DMAC2: variants seen among roughly 807,000 people sequenced by gnomAD.
DMAC2 encodes distal membrane arm assembly component 2, also known as distal membrane-arm assembly complex protein 2.
Under a neutral mutation model 29.6 loss-of-function variants are expected in DMAC2, and 32 were observed. The ratio of observed to expected loss-of-function variants is 1.08; its 90% confidence interval spans 0.81 to 1.45. The LOEUF (loss-of-function observed/expected upper bound fraction) is 1.45. Ranked by LOEUF, DMAC2 falls within the 40% of genes most tolerant of loss-of-function variation. The pLI is 0.00. For missense variants in DMAC2, 319 were observed against 340.0 expected (o/e 0.94, Z 0.49); for synonymous variants, 133 against 137.4 (o/e 0.97, Z 0.23).
In DMAC2 at chr19:41,435,314, G is replaced by A. The variant is rs1286449957; in HGVS notation, c.296+1078C>T. 2.6e-5 allele frequency among the ~76,000 whole-genome samples: 4 copies of A among 152,108 alleles called. No homozygotes were observed. In the East Asian group the frequency reaches 7.7e-4, roughly 29 times the overall value. On this transcript the variant is annotated intron_variant, in intron 3 of 5. Transcript: ENST00000221943. Reference sequence around the variant, plus strand: ...AGACAGAGTCTTGCTCTGTCACCCAGGCTGGAGTGCAGTGGCGTGATCTTG... The same window carrying A: ...AGACAGAGTCTTGCTCTGTCACCCAAGCTGGAGTGCAGTGGCGTGATCTTG...
Position 41,432,144 on chromosome 19 carries a change from G to T in DMAC2, c.*87C>A. 1 of 1,471,966 alleles carries T rather than the reference G, an allele frequency of 6.8e-7. No homozygotes were observed. Among genetic ancestry groups the T allele is most frequent in the Non-Finnish European group, 9.3e-7 (1 of 1,076,672 alleles). The allele number at this position is 1,471,966 out of a possible 1,614,324, so 91.2% of individuals were successfully genotyped here. A position where few individuals can be genotyped will look rare whatever the true frequency, so the allele number is the denominator to read the frequency against. On this transcript the variant is annotated 3_prime_UTR_variant, in exon 6 of 6. Coordinates refer to ENST00000221943, the MANE Select transcript of DMAC2 (RefSeq NM_018035.3). ...CTCCCCCACCCTGACGTTGAGTGAA[G>T]ACAAATGGAAGCCAGAAGTGTGGTG...
At chr19:41,435,952 T>C (rs949417047) in intron 3 of DMAC2, among the ~76,000 whole-genome samples, 2 of 151,596 alleles carry the variant, frequency 1.3e-5, no homozygotes, top group Non-Finnish European at 2.9e-5. Context: ...CTCAGCTCAC[T>C]GCAACCTCCA....
At chr19:41,437,458 G>C (rs946955765) in intron 2 of DMAC2, among the ~76,000 whole-genome samples, 30 of 152,120 alleles carry the variant, frequency 2.0e-4, no homozygotes, top group African/African-American at 7.2e-4. Context: ...CAGCACTCTG[G>C]GAGACCGAGG....
rs369646340 is a variant in DMAC2, at chr19:41,432,207, C to T, written c.*24G>A. ...TTCCATGCAGCCCGCTGAGAAGCCA[C>T]GTGAGTGGGGACAGGGCTAAAGGCT... On this transcript the variant is annotated 3_prime_UTR_variant, in exon 6 of 6. Coordinates refer to ENST00000221943, the MANE Select transcript of DMAC2 (RefSeq NM_018035.3). 5.6e-6 allele frequency: 9 copies of T among 1,602,968 alleles called. No homozygotes were observed. The highest frequency in any genetic ancestry group is 5.5e-5 in the South Asian group (5 of 90,472).
intron 5 of DMAC2, chr19:41,432,869 C>A: frequency 1.3e-5 from 5 of 396,212 alleles, no homozygotes; most frequent in East Asian, 4.3e-5. Context: ...TGTGTGCGTG[C>A]GTGTGTGTGT....
chr19:41,436,367 C>T (rs373583035), intron 3 of DMAC2, 25 bp downstream of exon 3: 29 of 1,608,576 alleles, frequency 1.8e-5, no homozygotes, highest in East Asian at 2.2e-5. Flanking sequence ...TGCCCCAGCC[C>T]GTTCTAACAC....
intron 1 of DMAC2, chr19:41,439,369 C>A: frequency 1.4e-6 from 1 of 697,176 alleles, no homozygotes; most frequent in South Asian, 1.8e-5. Flanking sequence ...TAATTTCACC[C>A]AGATCATGCC....
At chr19:41,432,723 G>C (rs1382580856) in intron 5 of DMAC2, 7 of 430,346 alleles carry the variant, frequency 1.6e-5, no homozygotes, top group Non-Finnish European at 2.6e-5. Flanking sequence ...GTGTGTGTGT[G>C]TGTGTGTAGG....
intron 5 of DMAC2, chr19:41,432,698 AAGGAC>A: frequency 3.1e-6 from 1 of 320,478 alleles, no homozygotes; most frequent in Non-Finnish European, 5.4e-6. Flanking sequence ...AAGCCAGTAT[AAGGAC>A]AGCGTGTGTG....
At chr19:41,432,651 A>AGC (rs1555769532) in intron 5 of DMAC2, 2 of 342,568 alleles carry the variant, frequency 5.8e-6, no homozygotes, top group African/African-American at 5.3e-5. Context: ...GGTACAGGAC[A>AGC]GCGTGTGTGT....
chr19:41,432,769 T>G (rs1599989318), intron 5 of DMAC2: 6 of 358,388 alleles, frequency 1.7e-5, no homozygotes, highest in African/African-American at 1.0e-4. Context: ...TGTAGGGAGG[T>G]ACAGGACAGC....
At position 41,439,909 on chromosome 19, in the gene DMAC2, G is replaced by A. The variant is rs782756129; in HGVS notation, c.-10C>T. 10 of 1,614,190 alleles carry A rather than the reference G, an allele frequency of 6.2e-6. No individual in the cohort carries two copies. Among genetic ancestry groups the A allele is most frequent in the Non-Finnish European group, 8.5e-6 (10 of 1,180,042 alleles). ...CCCAGGGAGCCGCCATCTTGCTAAG[G>A]TTTCGTAACCGGAAGGGGCCGGTCT... On this transcript the variant is annotated 5_prime_UTR_variant, in exon 1 of 6. Transcript: ENST00000221943.
Position 41,432,422 on chromosome 19 carries a change from A to G in DMAC2, c.597-14T>C. 1 of 1,612,326 alleles carries G rather than the reference A, an allele frequency of 6.2e-7. No individual in the cohort carries two copies. Among genetic ancestry groups the G allele is most frequent in the Non-Finnish European group, 8.5e-7 (1 of 1,179,436 alleles). On this transcript the variant is annotated splice_polypyrimidine_tract_variant and intron_variant, in intron 5 of 5. Coordinates refer to ENST00000221943, the MANE Select transcript of DMAC2 (RefSeq NM_018035.3). ...CTGCGGAGGTTCCTGAAAAGGGGTG[A>G]GAAGGACAGGAAGCCAGTGTAAGGA...
chr19:41,439,839 A>G (rs782630064), intron 1 of DMAC2, 43 bp downstream of exon 1: 1 of 1,614,030 alleles, frequency 6.2e-7, no homozygotes, highest in Non-Finnish European at 8.5e-7. Context: ...GAGGCTGTAG[A>G]GCGGACTTCA....
chr19:41,435,087 C>G (rs2039787450), intron 3 of DMAC2, among the ~76,000 whole-genome samples: 1 of 152,128 alleles, frequency 6.6e-6, no homozygotes, highest in African/African-American at 2.4e-5. Context: ...CTCTCACTCC[C>G]CCTGACAGGG....
Position 41,433,407 on chromosome 19 carries a change from G to A in DMAC2, c.461C>T (p.Ser154Leu), listed in dbSNP as rs782251451. Residue 154 changes from serine to leucine, a missense_variant, in exon 5 of 6, where the codon TCG (serine) becomes TTG (leucine). By Grantham distance (145) the Ser-to-Leu change is moderately radical. Coordinates refer to ENST00000221943, the MANE Select transcript of DMAC2 (RefSeq NM_018035.3). ...GTCCACGTGGCAGCAGCGCTGCAGC[G>A]ACAAGGACTGGAGCTCCTTCAGGCG... ...LLRLKELQSL[S>L]LQRCCHVDDW... The A allele has an allele frequency of 1.6e-5, 26 of 1,613,518 alleles. No homozygotes were observed. The highest frequency in any genetic ancestry group is 5.3e-5 in the African/African-American group (4 of 74,930).
chr19:41,435,578 T>C (rs2039813783), intron 3 of DMAC2, among the ~76,000 whole-genome samples: 2 of 150,856 alleles, frequency 1.3e-5, no homozygotes, highest in African/African-American at 4.9e-5. Context: ...CCTATTATTA[T>C]TTTTTGTGAT....
chr19:41,435,586 G>A (rs1213231448), intron 3 of DMAC2, among the ~76,000 whole-genome samples: 1 of 150,178 alleles, frequency 6.7e-6, no homozygotes, highest in Non-Finnish European at 1.5e-5. Flanking sequence ...TATTTTTTGT[G>A]ATGAGGTCTC....
intron 3 of DMAC2, 83 bp downstream of exon 3, chr19:41,436,309 A>T: frequency 8.1e-7 from 1 of 1,231,482 alleles, no homozygotes; most frequent in Non-Finnish European, 1.2e-6. Context: ...GGGACTCTGA[A>T]GCCTGTGTGA....
Sources: gnomAD v4.1 joint callset for allele counts (sites outside exome capture counted in the v4.1 genomes callset) on GRCh38, gnomAD v4.1.1 for gene constraint, MANE v1.5 for transcripts, NCBI Gene and HGNC (gene_info 2026-07-23, HGNC 2026-07-21) for gene names.